Variants in SH3PXD2B observed in about 807,000 individuals in gnomAD.
SH3PXD2B encodes SH3 and PX domain-containing protein 2B.
In SH3PXD2B, 37 loss-of-function variants were observed where a neutral mutation model predicts 73.1. The ratio of observed to expected loss-of-function variants is 0.51; its 90% CI spans 0.39 to 0.67. SH3PXD2B has a LOEUF of 0.67. Ranked by LOEUF, SH3PXD2B falls within the 30% of genes least tolerant of loss-of-function variation. SH3PXD2B has a pLI of 0.00. For missense variants in SH3PXD2B, 1,053 were observed against 1,197.8 expected, an observed-to-expected ratio of 0.88 and a Z score of 1.78; for synonymous variants, 457 against 480.5, an observed-to-expected ratio of 0.95 and a Z score of 0.64.
chr5:172,385,709 G>A (rs749749743), intron 4 of SH3PXD2B, among the ~76,000 whole-genome samples: 16 of 152,226 alleles, frequency 1.1e-4, no homozygotes, highest in Non-Finnish European at 2.1e-4. Context: ...AAGGGACAAC[G>A]AGGCCCATGG....
intron 12 of SH3PXD2B, among the ~76,000 whole-genome samples, chr5:172,326,843 G>T (rs1756454167): frequency 6.6e-6 from 1 of 151,316 alleles, no homozygotes; most frequent in Admixed American, 6.6e-5. Flanking sequence ...ACTAGGCAAT[G>T]AAAATGTCTC....
intron 4 of SH3PXD2B, among the ~76,000 whole-genome samples, chr5:172,389,568 C>CAAA (rs34351709): frequency 0.39 from 40,200 of 102,872 alleles, 7,653 homozygotes; most frequent in East Asian, 0.58. Flanking sequence ...TCATCTCTAC[C>CAAA]AAAAAAAAAA....
chr5:172,375,797 A>C (rs1757809102), intron 5 of SH3PXD2B, among the ~76,000 whole-genome samples: 1 of 152,160 alleles, frequency 6.6e-6, no homozygotes, highest in African/African-American at 2.4e-5. Context: ...GGCTATTTTG[A>C]ATAATGTTTC....
downstream of SH3PXD2B, among the ~76,000 whole-genome samples, chr5:172,331,937 ACT>A (rs61130395): frequency 7.1e-3 from 1,075 of 152,248 alleles, 6 homozygotes; most frequent in Non-Finnish European, 0.012. Flanking sequence ...CAAGAGTGAA[ACT>A]CTGTCTCAAA....
In SH3PXD2B at chr5:172,338,407, C is replaced by A. The variant is rs1211315571; in HGVS notation, c.2698G>T (p.Gly900Trp). 6.2e-7 allele frequency: 1 copy of A among 1,614,210 alleles called. No homozygotes were observed. ...QVLSGAPSWE[G>W]WIPSNYLRKK... The stretch of plus-strand genomic sequence containing the variant: ...CTGAGATAGTTGGAAGGAATCCACC[C>A]TTCCCAGGAAGGGGCTCCGCTCAGG... The change falls in exon 13 of 13, where the codon GGG (glycine) becomes TGG (tryptophan). Residue 900 changes from glycine to tryptophan, a missense_variant. Gly to Trp is a radical substitution (Grantham distance 184). Coordinates refer to ENST00000311601, the MANE Select transcript of SH3PXD2B (RefSeq NM_001017995.3). The surrounding 1 kb of genome is among the most constrained non-coding windows in gnomAD (Gnocchi z 5.1).
intron 8 of SH3PXD2B, 117 bp from the exon 9 acceptor site, chr5:172,354,122 A>G: frequency 1.0e-6 from 1 of 995,778 alleles, no homozygotes; most frequent in Non-Finnish European, 1.6e-6. Context: ...ATTTCTGGGC[A>G]CCCCCCCTGG....
chr5:172,346,195 C>T lies in SH3PXD2B; in HGVS notation c.1129G>A (p.Ala377Thr), dbSNP rs779664507. ...TCTGGGATGGTTGTCTGGAATTCGG[C>T]GATGGTGTAATACTCTTCCTCCACT... ...PQVEEEYYTI[A>T]EFQTTIPDGI... Residue 377 changes from alanine to threonine, a missense_variant, in exon 12 of 13, where the codon GCC becomes ACC. Ala to Thr is a moderately conservative substitution (Grantham distance 58). Transcript: ENST00000311601. 7.4e-6 allele frequency: 12 copies of T among 1,614,108 alleles called. No individual in the cohort carries two copies. The highest frequency in any genetic ancestry group is 3.3e-5 in the Admixed American group (2 of 60,010).
chr5:172,373,831 AG>A lies in SH3PXD2B; in HGVS notation c.402-17del, dbSNP rs759790027. The A allele has an allele frequency of 2.5e-6, 4 of 1,613,832 alleles. No homozygotes were observed. The East Asian group carries it at 8.9e-5, about 36-fold the overall frequency. The stretch of plus-strand genomic sequence containing the variant: ...AATGTGCTCCCTGTACAGGAAAGAA[AG>A]GGGGTGGGAAGAGTAACGAGTCAGT... On this transcript the variant is annotated splice_polypyrimidine_tract_variant and intron_variant, in intron 5 of 12. Coordinates refer to ENST00000311601, the MANE Select transcript of SH3PXD2B (RefSeq NM_001017995.3).
chr5:172,453,635 C>T (rs983521246), intron 1 of SH3PXD2B, among the ~76,000 whole-genome samples: 1 of 152,242 alleles, frequency 6.6e-6, no homozygotes, highest in Admixed American at 6.5e-5. Flanking sequence ...AAACAAGATT[C>T]CCATGTTCCA....
Position 172,335,661 on chromosome 5 carries a change from A to C in SH3PXD2B, c.*2708T>G. ...GGACACTTTCTAGAGCCATGACTCC[A>C]GGGGAGTTCTGCATATGCGCCATCA... On this transcript the variant is annotated 3_prime_UTR_variant, in exon 13 of 13. Transcript: ENST00000311601. 8.1e-7 allele frequency: 1 copy of C among 1,231,800 alleles called. No homozygotes were observed. Among genetic ancestry groups the C allele is most frequent in the Non-Finnish European group, 1.0e-6 (1 of 988,010 alleles). 76.3% of individuals were successfully genotyped at this position (1,231,800 alleles called of 1,614,324 possible). A position where few individuals can be genotyped will look rare whatever the true frequency, so the allele number is the denominator to read the frequency against.
At chr5:172,342,914 C>T (rs1447596005) in intron 12 of SH3PXD2B, among the ~76,000 whole-genome samples, 1 of 152,238 alleles carries the variant, frequency 6.6e-6, no homozygotes, top group Non-Finnish European at 1.5e-5. Flanking sequence ...GCTCCTGGGC[C>T]TGCAGTCCTG....
intron 10 of SH3PXD2B, among the ~76,000 whole-genome samples, chr5:172,348,676 TATC>T (rs1376712150): frequency 1.4e-4 from 11 of 78,994 alleles, no homozygotes; most frequent in African/African-American, 4.2e-4. Context: ...TCTATCTATC[TATC>T]TATCTATCTA....
chr5:172,425,210 T>G (rs1759066819), intron 1 of SH3PXD2B, among the ~76,000 whole-genome samples: 2 of 152,040 alleles, frequency 1.3e-5, no homozygotes, highest in South Asian at 4.2e-4. Flanking sequence ...TGGTTTCCAT[T>G]CATTCACTCA....
rs1394730925 is a variant in SH3PXD2B at position 172,421,454 on chromosome 5, A to C, written c.156+962T>G. The stretch of plus-strand genomic sequence containing the variant: ...ACATATACTGTGTGTTAGGCCTTGA[A>C]TAAACTATTAAGGACAGACAGGAAG... On this transcript the variant is annotated intron_variant, in intron 2 of 12. Transcript: ENST00000311601. The surrounding 1 kb of genome is among the most constrained non-coding windows in gnomAD (Gnocchi z 4.0). 6.6e-6 allele frequency among the ~76,000 whole-genome samples: 1 copy of C among 152,228 alleles called. No individual in the cohort carries two copies. The highest frequency in any genetic ancestry group is 1.5e-5 in the Non-Finnish European group (1 of 68,052).
At chr5:172,357,011 T>C (rs2113306345) in intron 8 of SH3PXD2B, among the ~76,000 whole-genome samples, 1 of 147,926 alleles carries the variant, frequency 6.8e-6, no homozygotes, top group East Asian at 2.0e-4. Context: ...TATAAAGAGG[T>C]GTTAGGCTGA....
chr5:172,360,181 T>C (rs538223501), intron 7 of SH3PXD2B, among the ~76,000 whole-genome samples: 1 of 152,304 alleles, frequency 6.6e-6, no homozygotes, highest in African/African-American at 2.4e-5. Flanking sequence ...TATTTGTATT[T>C]GTAAATATTT....
At chr5:172,346,079 A>C (rs1363713078) in intron 12 of SH3PXD2B, 57 bp downstream of exon 12, 1 of 1,612,198 alleles carries the variant, frequency 6.2e-7, no homozygotes, top group African/African-American at 1.3e-5. Flanking sequence ...GAGAAGTAGG[A>C]GGTGATGCCT....
chr5:172,333,431 C>A (rs979095074), downstream of SH3PXD2B: 43 of 968,916 alleles, frequency 4.4e-5, no homozygotes, highest in Non-Finnish European at 5.4e-5. Context: ...TTCTTTGATC[C>A]CGAAGATCCC....
At chr5:172,354,344 T>C (rs566849735) in intron 8 of SH3PXD2B, among the ~76,000 whole-genome samples, 103 of 152,326 alleles carry the variant, frequency 6.8e-4, no homozygotes, top group Non-Finnish European at 9.9e-4. Context: ...CCCCCACCCA[T>C]ACTAGGAATT....
Sources: gnomAD v4.1 joint callset for allele counts (sites outside exome capture counted in the v4.1 genomes callset) on GRCh38, gnomAD v4.1.1 for gene constraint, Gnocchi (gnomAD v3.1) non-coding constraint, MANE v1.5 for transcripts, NCBI Gene and HGNC (gene_info 2026-07-23, HGNC 2026-07-21) for gene names.